NELL1: variants seen among roughly 807,000 people sequenced by gnomAD.
The protein encoded by NELL1 is protein kinase C-binding protein NELL1.
NELL1 carries 76 observed loss-of-function variants against 107.4 expected under a neutral mutation model. The ratio of observed to expected loss-of-function variants is 0.71; its 90% CI spans 0.59 to 0.86. The LOEUF is 0.86. Ranked by LOEUF, NELL1 falls within the 40% of genes least tolerant of loss-of-function variation. The probability of loss-of-function intolerance (pLI) is 0.00; values close to 1 mark genes in which losing one functional copy is unlikely to be tolerated. For missense variants in NELL1, 1,024 were observed against 1,005.5 expected, an observed-to-expected ratio of 1.02 and a Z score of -0.25; for synonymous variants, 353 against 341.2, an observed-to-expected ratio of 1.03 and a Z score of -0.38.
At chr11:20,904,329 C>A (rs1263631473) in intron 5 of NELL1, among the ~76,000 whole-genome samples, 1 of 151,958 alleles carries the variant, frequency 6.6e-6, no homozygotes, top group Non-Finnish European at 1.5e-5. Flanking sequence ...TTTGAAGTGA[C>A]AGTTATCCCA....
chr11:21,338,308 C>T (rs1306080147), intron 14 of NELL1, among the ~76,000 whole-genome samples: 1 of 152,168 alleles, frequency 6.6e-6, no homozygotes, highest in Non-Finnish European at 1.5e-5. Flanking sequence ...TGTAATCCTT[C>T]TGCTTTAGAG....
At chr11:21,512,868 C>T (rs1244675955) in intron 15 of NELL1, among the ~76,000 whole-genome samples, 1 of 151,972 alleles carries the variant, frequency 6.6e-6, no homozygotes, top group Non-Finnish European at 1.5e-5. Flanking sequence ...GACATTCCAC[C>T]TAACCGAACC....
chr11:21,431,636 T>C (rs1852967614), intron 15 of NELL1, among the ~76,000 whole-genome samples: 1 of 152,210 alleles, frequency 6.6e-6, no homozygotes, highest in Non-Finnish European at 1.5e-5. Context: ...AATGTATCCA[T>C]ACACTACCAT....
intron 4 of NELL1, among the ~76,000 whole-genome samples, chr11:20,879,138 G>T (rs1023385978): frequency 2.0e-5 from 3 of 152,004 alleles, no homozygotes; most frequent in African/African-American, 7.3e-5. Context: ...GGGCCCAAGG[G>T]TACTAGGAAA....
intron 14 of NELL1, among the ~76,000 whole-genome samples, chr11:21,278,190 A>G (rs755735603): frequency 1.3e-5 from 2 of 152,350 alleles, no homozygotes; most frequent in East Asian, 1.9e-4. Context: ...ATGTCACACA[A>G]TAATGAGAAA....
At chr11:21,029,407 G>T (rs1028659289) in intron 12 of NELL1, among the ~76,000 whole-genome samples, 1 of 151,956 alleles carries the variant, frequency 6.6e-6, no homozygotes, top group Non-Finnish European at 1.5e-5. Context: ...TTGTGTCATA[G>T]GTTTATGTTT....
chr11:21,056,534 A>G (rs1476543628), intron 12 of NELL1, among the ~76,000 whole-genome samples: 2 of 152,130 alleles, frequency 1.3e-5, no homozygotes, highest in Non-Finnish European at 2.9e-5. Flanking sequence ...CATTTTAGGA[A>G]CACTAACAAA....
chr11:21,441,472 T>C (rs1453172588), intron 15 of NELL1, among the ~76,000 whole-genome samples: 1 of 151,874 alleles, frequency 6.6e-6, no homozygotes, highest in Non-Finnish European at 1.5e-5. Context: ...GATCATGGCT[T>C]GTACTACTTT....
chr11:20,722,669 C>T (rs1286873619), intron 2 of NELL1, among the ~76,000 whole-genome samples: 1 of 152,108 alleles, frequency 6.6e-6, no homozygotes, highest in Non-Finnish European at 1.5e-5. Flanking sequence ...TCTACACTAA[C>T]CCTTATTAAG....
At chr11:21,036,178 G>A (rs1347280176) in intron 12 of NELL1, among the ~76,000 whole-genome samples, 1 of 152,100 alleles carries the variant, frequency 6.6e-6, no homozygotes, top group Non-Finnish European at 1.5e-5. Context: ...CAGCTAACCA[G>A]GGAGGTGAAA....
At chr11:21,503,117 G>A (rs1855187936) in intron 15 of NELL1, among the ~76,000 whole-genome samples, 2 of 152,178 alleles carry the variant, frequency 1.3e-5, no homozygotes, top group Non-Finnish European at 2.9e-5. Context: ...CTGACCTCAG[G>A]TAATCTGCCT....
intron 15 of NELL1, among the ~76,000 whole-genome samples, chr11:21,410,759 G>T (rs911551491): frequency 6.6e-6 from 1 of 152,010 alleles, no homozygotes; most frequent in South Asian, 2.1e-4. Flanking sequence ...AAGGTTGCCT[G>T]CCATGAAGTC....
At chr11:20,810,988 A>G (rs1857491075) in intron 3 of NELL1, among the ~76,000 whole-genome samples, 1 of 152,104 alleles carries the variant, frequency 6.6e-6, no homozygotes, top group South Asian at 2.1e-4. Context: ...TGATGTGCAG[A>G]AGGCTTTAGT....
chr11:20,722,209 C>T (rs7940848), intron 2 of NELL1, among the ~76,000 whole-genome samples: 160 of 151,942 alleles, frequency 1.1e-3, no homozygotes, highest in African/African-American at 3.6e-3. Context: ...TTAGTAGAGA[C>T]GTGATTTTGC....
intron 12 of NELL1, among the ~76,000 whole-genome samples, chr11:21,026,098 C>A (rs1384349128): frequency 1.3e-5 from 2 of 152,138 alleles, no homozygotes; most frequent in Admixed American, 1.3e-4. Flanking sequence ...AGTCTCTTAA[C>A]TCTTCTCTCT....
At chr11:21,201,885 C>T (rs1857277884) in intron 13 of NELL1, among the ~76,000 whole-genome samples, 1 of 152,148 alleles carries the variant, frequency 6.6e-6, no homozygotes, top group Non-Finnish European at 1.5e-5. Flanking sequence ...TTGAGATAAT[C>T]ACGTGGTTTT....
At chr11:21,544,561 C>G (rs1441812035) in intron 16 of NELL1, among the ~76,000 whole-genome samples, 1 of 151,862 alleles carries the variant, frequency 6.6e-6, no homozygotes, top group East Asian at 1.9e-4. Context: ...ATATTAATAT[C>G]TAAGATTAAT....
chr11:21,224,805 A>G (rs1408285423), intron 13 of NELL1, among the ~76,000 whole-genome samples: 1 of 152,134 alleles, frequency 6.6e-6, no homozygotes, highest in Non-Finnish European at 1.5e-5. Flanking sequence ...TTTTGAAGCA[A>G]GGTTTTATTT....
At chr11:21,169,945 C>T in intron 13 of NELL1, 2 of 1,456,828 alleles carry the variant, frequency 1.4e-6, no homozygotes, top group Non-Finnish European at 1.9e-6. Context: ...GCGGCTGGAC[C>T]AAGAGCCCTC....
Sources: gnomAD v4.1 joint callset for allele counts (sites outside exome capture counted in the v4.1 genomes callset) on GRCh38, gnomAD v4.1.1 for gene constraint, MANE v1.5 for transcripts, NCBI Gene and HGNC (gene_info 2026-07-23, HGNC 2026-07-21) for gene names.